The following TCF7 variants were observed in gnomAD, a reference collection of about 807,000 sequenced individuals.
TCF7 encodes transcription factor 7.
Under a neutral mutation model 46.8 loss-of-function variants are expected in TCF7, and 19 were observed. The observed-to-expected ratio is 0.41, with a 90% confidence interval of 0.28 to 0.60. The LOEUF is 0.60. Ranked by LOEUF, TCF7 falls within the 20% of genes least tolerant of loss-of-function variation. The probability of loss-of-function intolerance (pLI) is 0.35; values close to 1 mark genes in which losing one functional copy is unlikely to be tolerated. For synonymous variants in TCF7, 245 were observed against 213.4 expected, an observed-to-expected ratio of 1.15 and a Z score of -1.29; for missense variants, 547 against 504.6, an observed-to-expected ratio of 1.08 and a Z score of -0.81.
At chr5:134,138,224 G>C (rs1413267613) in intron 4 of TCF7, 60 bp downstream of exon 4, 2 of 1,487,080 alleles carry the variant, frequency 1.3e-6, no homozygotes, top group Non-Finnish European at 1.9e-6. Flanking sequence ...CAAGACCCCA[G>C]CTTCTGAGAC....
Position 134,142,796 on chromosome 5 carries a change from G to C in TCF7, c.831G>C (p.Met277Ile). Reference sequence around the variant, plus strand: ...TCAAGAAGCCCCTCAATGCCTTCATGCTGTACATGAAGGAGATGAGAGCCA... The same window carrying C: ...TCAAGAAGCCCCTCAATGCCTTCATCCTGTACATGAAGGAGATGAGAGCCA... ...PTIKKPLNAF[M>I]LYMKEMRAKV... The change falls in exon 7 of 10, where the codon ATG (methionine) becomes ATC (isoleucine). Residue 277 changes from methionine (M) to isoleucine (I), a missense_variant. Physicochemically the swap from Met to Ile is conservative, Grantham distance 10. Coordinates refer to ENST00000342854, the MANE Select transcript of TCF7 (RefSeq NM_003202.5). 2 of 1,614,212 alleles carry C rather than the reference G, an allele frequency of 1.2e-6. No homozygotes were observed. The highest frequency in any genetic ancestry group is 1.7e-6 in the Non-Finnish European group (2 of 1,180,026).
rs531248865 is a variant in TCF7, at chr5:134,147,535, A to G, written c.*1232A>G. The G allele has an allele frequency of 6.5e-6, 1 of 152,784 alleles. No individual in the cohort carries two copies. Among genetic ancestry groups the G allele is most frequent in the Non-Finnish European group, 1.5e-5 (1 of 68,032 alleles). The allele number at this position is 152,784 out of a possible 1,614,324, so 9.5% of individuals were successfully genotyped here. A position where few individuals can be genotyped will look rare whatever the true frequency, so the allele number is the denominator to read the frequency against. On this transcript the variant is annotated 3_prime_UTR_variant, in exon 10 of 10. Transcript: ENST00000342854. ...TGCGGGACAGAGGACCATTACAACTAGATCAAGGAGCCCAGAAAACCTCCA... is the reference window on the plus strand; with the variant it reads ...TGCGGGACAGAGGACCATTACAACTGGATCAAGGAGCCCAGAAAACCTCCA...
upstream of TCF7, among the ~76,000 whole-genome samples, chr5:134,113,159 A>G (rs244657): frequency 0.9 from 136,574 of 152,244 alleles, 61,328 homozygotes; most frequent in Admixed American, 0.93. Context: ...AGGCGAGACT[A>G]AGCGGCAAGC....
rs1039666827 is a variant in TCF7 at position 134,138,069 on chromosome 5, A to G, written c.452A>G (p.Asn151Ser). 3 of 1,601,686 alleles carry G rather than the reference A, an allele frequency of 1.9e-6. No homozygotes were observed. Among genetic ancestry groups the G allele is most frequent in the Non-Finnish European group, 2.6e-6 (3 of 1,173,146 alleles). ...PQPQPPLHKA[N>S]QPPHGVPQLS... ...CTTCTCATTTTTCAGCACAAGGCCA[A>G]TCAGCCCCCCCACGGTGTCCCCCAA... The change falls in exon 4 of 10, where the codon AAT becomes AGT. Residue 151 changes from asparagine to serine, a missense_variant. Asn to Ser is a conservative substitution (Grantham distance 46, BLOSUM62 1). This residue lies in a region of TCF7 where 425 missense variants were observed against 349.9 expected (regional missense o/e 1.21). Transcript: ENST00000342854.
upstream of TCF7, among the ~76,000 whole-genome samples, chr5:134,111,606 G>T (rs56073313): frequency 0.013 from 1,985 of 152,178 alleles, 49 homozygotes; most frequent in African/African-American, 0.045. Context: ...GCCAGCAAAG[G>T]TCTTGGGCCC....
chr5:134,120,662 T>C (rs1000811975), intron 3 of TCF7, among the ~76,000 whole-genome samples: 1 of 152,210 alleles, frequency 6.6e-6, no homozygotes, highest in Non-Finnish European at 1.5e-5. Context: ...TCAATTCAGA[T>C]GTCTCTGCCT....
chr5:134,146,365 C>T lies in TCF7; in HGVS notation c.*62C>T. On this transcript the variant is annotated 3_prime_UTR_variant, in exon 10 of 10. Transcript: ENST00000342854. ...CATACCATCTGCTGCCCCGCTTCCC[C>T]ACAGAACTGCTTACTAGCCCTGCGG... 6.3e-7 allele frequency: 1 copy of T among 1,589,738 alleles called. No individual in the cohort carries two copies. Among genetic ancestry groups the T allele is most frequent in the East Asian group, 2.2e-5 (1 of 44,762 alleles).
chr5:134,124,478 C>T (rs1287768871), intron 3 of TCF7, among the ~76,000 whole-genome samples: 1 of 152,112 alleles, frequency 6.6e-6, no homozygotes, highest in African/African-American at 2.4e-5. Context: ...GGGACTCTGG[C>T]CTGGGGTGAG....
intron 8 of TCF7, 21 bp downstream of exon 8, chr5:134,143,121 A>G (rs539671855): frequency 4.4e-6 from 7 of 1,586,926 alleles, no homozygotes; most frequent in East Asian, 2.3e-5. Context: ...AGTGACACAC[A>G]GCAGGGGTGG....
In TCF7 at chr5:134,138,079, C is replaced by T. The variant is rs147318706; in HGVS notation, c.462C>T (p.Pro154=). 13 of 1,606,834 alleles carry T rather than the reference C, an allele frequency of 8.1e-6. No homozygotes were observed. In the African/African-American group the frequency reaches 1.7e-4, roughly 22 times the overall value. The part of the protein sequence containing the change: ...QPPLHKANQP[P]HGVPQLSLYE... Reference sequence around the variant, plus strand: ...TTCAGCACAAGGCCAATCAGCCCCCCCACGGTGTCCCCCAACTCTCTCTCT... The same window carrying T: ...TTCAGCACAAGGCCAATCAGCCCCCTCACGGTGTCCCCCAACTCTCTCTCT... Residue 154 remains proline, a synonymous_variant, in exon 4 of 10, where the codon CCC becomes CCT. Coordinates refer to ENST00000342854, the MANE Select transcript of TCF7 (RefSeq NM_003202.5).
chr5:134,127,557 A>T (rs17167279), intron 3 of TCF7, among the ~76,000 whole-genome samples: 15,749 of 152,174 alleles, frequency 0.1, 1,019 homozygotes, highest in African/African-American at 0.17. Context: ...GGGGTTTCCT[A>T]GGCTCTGAGT....
intron 3 of TCF7, among the ~76,000 whole-genome samples, chr5:134,137,358 G>A (rs1379932582): frequency 2.6e-5 from 4 of 151,312 alleles, no homozygotes; most frequent in South Asian, 2.1e-4. Flanking sequence ...GCCAGGAGGC[G>A]GAGGTTGCAG....
intron 5 of TCF7, chr5:134,140,706 T>TG (rs1210541956): frequency 7.0e-6 from 3 of 428,306 alleles, no homozygotes; most frequent in Non-Finnish European, 1.4e-5. Flanking sequence ...TCTCACAGGA[T>TG]GGGTCAAGGC....
intron 3 of TCF7, among the ~76,000 whole-genome samples, chr5:134,127,716 G>A (rs1272308640): frequency 3.3e-5 from 5 of 152,152 alleles, no homozygotes; most frequent in African/African-American, 4.8e-5. Flanking sequence ...TTCTTCTCTC[G>A]CTGCCCCGCC....
intron 9 of TCF7, chr5:134,144,515 A>G (rs1043550373): frequency 3.9e-5 from 17 of 432,190 alleles, no homozygotes; most frequent in Middle Eastern, 1.3e-3. Context: ...GGGCCCCACA[A>G]GCCACAGAGA....
intron 3 of TCF7, among the ~76,000 whole-genome samples, chr5:134,136,804 C>T (rs1342025933): frequency 2.0e-5 from 3 of 152,220 alleles, no homozygotes; most frequent in Admixed American, 1.3e-4. Context: ...GAATTGCACT[C>T]ACAGAGTGGG....
At chr5:134,142,445 G>T (rs1000100827) in intron 6 of TCF7, 141 bp downstream of exon 6, 6 of 999,910 alleles carry the variant, frequency 6.0e-6, no homozygotes, top group Non-Finnish European at 8.5e-6. Context: ...GAAGTAGGAG[G>T]GGGTGGGTGG....
chr5:134,145,643 A>T (rs1052108482), intron 9 of TCF7: 3 of 1,289,096 alleles, frequency 2.3e-6, no homozygotes, highest in African/African-American at 2.9e-5. Context: ...GTCCAAGGGC[A>T]AGGAGGAGTT....
At chr5:134,115,480 C>T in intron 2 of TCF7, 93 bp downstream of exon 2, 47 of 1,513,494 alleles carry the variant, frequency 3.1e-5, no homozygotes, top group Non-Finnish European at 4.2e-5. Context: ...AGCCGGGTGC[C>T]TCCCCCACCG....
Sources: allele counts gnomAD v4.1 joint callset (sites outside exome capture counted in the v4.1 genomes callset), GRCh38; gene constraint gnomAD v4.1.1; regional missense constraint gnomAD v4.1.1; transcripts MANE v1.5; gene names NCBI Gene and HGNC (gene_info 2026-07-23, HGNC 2026-07-21).